Variants in TRPM2 observed in about 807,000 individuals in gnomAD.
TRPM2 encodes estrogen-responsive element-associated gene 1 protein.
Under a neutral mutation model 174.0 loss-of-function variants are expected in TRPM2, and 161 were observed. The observed-to-expected ratio is 0.93, with a 90% confidence interval of 0.81 to 1.05. The LOEUF is 1.05. Ranked by LOEUF, TRPM2 falls within the 50% of genes least tolerant of loss-of-function variation. The probability of loss-of-function intolerance (pLI) is 0.00; values close to 1 mark genes in which losing one functional copy is unlikely to be tolerated. For missense variants in TRPM2, 2,057 were observed against 2,038.0 expected (o/e 1.01, Z -0.18); for synonymous variants, 954 against 861.3 (o/e 1.11, Z -1.88).
At chr21:44,388,953 T>G (rs919707889) in intron 9 of TRPM2, among the ~76,000 whole-genome samples, 4 of 152,190 alleles carry the variant, frequency 2.6e-5, no homozygotes, top group African/African-American at 9.7e-5. Flanking sequence ...AGGTTCAGCT[T>G]AGAGACAATA....
intron 7 of TRPM2, 23 bp downstream of exon 7, chr21:44,377,796 G>A: frequency 6.2e-7 from 1 of 1,613,412 alleles, no homozygotes; most frequent in Middle Eastern, 1.7e-4. Context: ...AGGTGGGAGG[G>A]GGCATGTGTG....
chr21:44,395,387 G>A, intron 11 of TRPM2, 27 bp from the exon 12 acceptor site: 5 of 1,610,486 alleles, frequency 3.1e-6, no homozygotes, highest in Non-Finnish European at 4.2e-6. Flanking sequence ...GGCCCGGCTG[G>A]GGCTCTGACA....
chr21:44,378,358 T>A (rs1372689504), intron 7 of TRPM2, among the ~76,000 whole-genome samples: 1 of 152,218 alleles, frequency 6.6e-6, no homozygotes, highest in African/African-American at 2.4e-5. Flanking sequence ...TATGGGCTTT[T>A]GTGAAGGATG....
intron 16 of TRPM2, among the ~76,000 whole-genome samples, chr21:44,403,555 T>C (rs1020116632): frequency 1.1e-4 from 16 of 149,134 alleles, no homozygotes; most frequent in East Asian, 4.0e-4. Flanking sequence ...CACACACACA[T>C]ACATACATGC....
In TRPM2 at chr21:44,366,199, C is replaced by T. The variant is rs1217729585; in HGVS notation, c.424-555C>T. 6.6e-6 allele frequency among the ~76,000 whole-genome samples: 1 copy of T among 151,692 alleles called. No homozygotes were observed. The highest frequency in any genetic ancestry group is 2.4e-5 in the African/African-American group (1 of 41,216). ...AGACGGGAGGCAGAGGAAGCTGGGCCCACTGAGTCCCCAGGACGGGCCAGG... is the reference window on the plus strand; with the variant it reads ...AGACGGGAGGCAGAGGAAGCTGGGCTCACTGAGTCCCCAGGACGGGCCAGG... On this transcript the variant is annotated intron_variant, in intron 3 of 31. Transcript: ENST00000397928. This position sits in a 1 kb window ranked among gnomAD's most constrained non-coding sequence, Gnocchi z 6.0.
At position 44,391,686 on chromosome 21, in the gene TRPM2, A is replaced by C. The variant is rs928300074; in HGVS notation, c.1794+61A>C. ...CTTCGCGGGCTACTGCTATGTTCTT[A>C]GAGCTCTCTGTTTTTAAAATTAGCT... On this transcript the variant is annotated intron_variant, in intron 11 of 31. Coordinates refer to ENST00000397928, the MANE Select transcript of TRPM2 (RefSeq NM_003307.4). This position sits in a 1 kb window ranked among gnomAD's most constrained non-coding sequence, Gnocchi z 5.0. The C allele has an allele frequency of 2.6e-5, 36 of 1,391,356 alleles. No homozygotes were observed. The highest frequency in any genetic ancestry group is 8.4e-5 in the South Asian group (6 of 71,412). 86.2% of individuals were successfully genotyped at this position (1,391,356 alleles called of 1,614,324 possible). A position where few individuals can be genotyped will look rare whatever the true frequency, so the allele number is the denominator to read the frequency against.
chr21:44,360,786 C>T (rs73231283), intron 2 of TRPM2, among the ~76,000 whole-genome samples: 27,096 of 151,958 alleles, frequency 0.18, 2,507 homozygotes, highest in Non-Finnish European at 0.2. Flanking sequence ...AGGCTGGTCT[C>T]GGACTCGGGA....
chr21:44,413,990 C>G lies in TRPM2; in HGVS notation c.3062C>G (p.Pro1021Arg), dbSNP rs201032031. The G allele has an allele frequency of 6.2e-7, 1 of 1,613,936 alleles. No homozygotes were observed. Among genetic ancestry groups the G allele is most frequent in the Admixed American group, 1.7e-5 (1 of 60,024 alleles). The change falls in exon 20 of 32, where the codon CCT becomes CGT. Residue 1021 changes from proline (P) to arginine (R), a missense_variant. Pro to Arg is a moderately radical substitution (Grantham distance 103). Coordinates refer to ENST00000397928, the MANE Select transcript of TRPM2 (RefSeq NM_003307.4). ...GCGACGCAGCAGAGGCCGGCCTTCC[C>G]TGAGTGGCTGACGGTCCTCCTACTC... ...SDATQQRPAF[P>R]EWLTVLLLCL...
intron 20 of TRPM2, among the ~76,000 whole-genome samples, 170 bp from the exon 21 acceptor site, chr21:44,417,755 CTG>C (rs1460688882): frequency 1.4e-5 from 2 of 147,616 alleles, no homozygotes; most frequent in African/African-American, 5.1e-5. Flanking sequence ...GCTCTGCTCT[CTG>C]TGACATCACA....
Position 44,435,173 on chromosome 21 carries a change from C to G in TRPM2, c.4017C>G (p.Leu1339=). ...GRTGLRGRGS[L]SCFGPNHTLY... ...CAGGACTGCGTGGGCGCGGGAGCCT[C>G]AGCTGCTTCGGACCCAACCACACGC... is the stretch of plus-strand genomic sequence containing the variant. Residue 1339 remains leucine (L), a synonymous_variant, in exon 28 of 32, where the codon CTC becomes CTG. Transcript: ENST00000397928. The G allele has an allele frequency of 6.2e-7, 1 of 1,613,456 alleles. No individual in the cohort carries two copies. The highest frequency in any genetic ancestry group is 8.5e-7 in the Non-Finnish European group (1 of 1,179,610).
intron 3 of TRPM2, among the ~76,000 whole-genome samples, chr21:44,365,786 G>A (rs1602136003): frequency 6.6e-6 from 1 of 152,214 alleles, no homozygotes; most frequent in Non-Finnish European, 1.5e-5. Flanking sequence ...ACCCTGTACT[G>A]CAGCAGGTCT....
chr21:44,403,759 G>A (rs183350709), intron 16 of TRPM2, among the ~76,000 whole-genome samples: 1 of 149,888 alleles, frequency 6.7e-6, no homozygotes, highest in African/African-American at 2.5e-5. Context: ...GCACACACAT[G>A]CATACACATA....
intron 12 of TRPM2, among the ~76,000 whole-genome samples, chr21:44,397,227 T>C (rs1366820310): frequency 6.6e-6 from 1 of 151,966 alleles, no homozygotes; most frequent in Non-Finnish European, 1.5e-5. Context: ...TTAGTAGAGA[T>C]GGGGTTTCAC....
At position 44,391,267 on chromosome 21, in the gene TRPM2, C is replaced by G; in HGVS notation, c.1441-5C>G. ...CAACCGTCACTGCACAATGCTTGCT[C>G]TCAGCCTTCAGATCTGCACCCCACG... On this transcript the variant is annotated splice_polypyrimidine_tract_variant and splice_region_variant and intron_variant, in intron 10 of 31. Coordinates refer to ENST00000397928, the MANE Select transcript of TRPM2 (RefSeq NM_003307.4). This position sits in a 1 kb window ranked among gnomAD's most constrained non-coding sequence, Gnocchi z 5.0. The G allele has an allele frequency of 3.1e-6, 5 of 1,610,568 alleles. No homozygotes were observed. The highest frequency in any genetic ancestry group is 4.2e-6 in the Non-Finnish European group (5 of 1,177,594).
intron 9 of TRPM2, among the ~76,000 whole-genome samples, chr21:44,388,247 C>T (rs999148015): frequency 1.3e-5 from 2 of 152,180 alleles, no homozygotes; most frequent in African/African-American, 4.8e-5. Flanking sequence ...AATTCTGACA[C>T]ATGCTGCAAC....
intron 22 of TRPM2, among the ~76,000 whole-genome samples, chr21:44,420,591 A>C (rs1198316809): frequency 6.6e-6 from 1 of 152,170 alleles, no homozygotes; most frequent in African/African-American, 2.4e-5. Flanking sequence ...GTGCCCTGAC[A>C]ACCTTCTCTT....
At position 44,364,276 on chromosome 21, in the gene TRPM2, GA is replaced by G. The variant is rs771012630; in HGVS notation, c.422del (p.Lys141SerfsTer13). ...TCTTCACGGGCCTGAGCCAGAAGGT[GA>G]AAAAGGTTGGTTTCCATCACTCTCG... is the stretch of plus-strand genomic sequence containing the variant. ...IVFTGLSQKVKKYVRVSQDTP... is the reference protein window; with the variant it reads ...IVFTGLSQKVXKYVRVSQDTP... On this transcript the variant is annotated frameshift_variant, in exon 3 of 32. Transcript: ENST00000397928. LOFTEE classifies it high-confidence loss of function. The G allele has an allele frequency of 3.4e-5, 55 of 1,613,902 alleles. No individual in the cohort carries two copies. Among genetic ancestry groups the G allele is most frequent in the Non-Finnish European group, 4.3e-5 (51 of 1,179,976 alleles).
chr21:44,412,632 C>A (rs1470693505), intron 19 of TRPM2, among the ~76,000 whole-genome samples: 1 of 151,658 alleles, frequency 6.6e-6, no homozygotes, highest in Non-Finnish European at 1.5e-5. Context: ...CTTCTGCTTG[C>A]TTTTGGCTTG....
intron 5 of TRPM2, among the ~76,000 whole-genome samples, chr21:44,374,099 C>T (rs2048625055): frequency 2.0e-5 from 3 of 152,032 alleles, no homozygotes. Flanking sequence ...CAACCTCCAC[C>T]TTCCGGGTTC....
Sources: gnomAD v4.1 joint callset for allele counts (sites outside exome capture counted in the v4.1 genomes callset) on GRCh38, gnomAD v4.1.1 for gene constraint, Gnocchi (gnomAD v3.1) non-coding constraint, MANE v1.5 for transcripts, NCBI Gene and HGNC (gene_info 2026-07-23, HGNC 2026-07-21) for gene names.